PCDHGB3: variants seen among roughly 807,000 people sequenced by gnomAD.
PCDHGB3 encodes protocadherin gamma subfamily B, 3.
PCDHGB3 carries 40 observed loss-of-function variants against 59.2 expected under a neutral mutation model. That is an observed-to-expected ratio of 0.68 (90% CI 0.52 to 0.88). The LOEUF (loss-of-function observed/expected upper bound fraction) is 0.88. Ranked by LOEUF, PCDHGB3 falls within the 40% of genes least tolerant of loss-of-function variation. The pLI is 0.00. For synonymous variants in PCDHGB3, 581 were observed against 503.6 expected, an observed-to-expected ratio of 1.15 and a Z score of -2.06; for missense variants, 1,309 against 1,187.9, an observed-to-expected ratio of 1.10 and a Z score of -1.50.
chr5:141,428,492 A>C (rs2097142759), intron 1 of PCDHGB3: 1 of 307,660 alleles, frequency 3.3e-6, no homozygotes. Flanking sequence ...TGCAATCTGT[A>C]TGTTCCCTCG....
chr5:141,477,502 C>A lies in PCDHGB3; in HGVS notation c.2416-17305C>A, dbSNP rs2099412065. On this transcript the variant is annotated intron_variant, in intron 1 of 3. Coordinates refer to ENST00000576222, the MANE Select transcript of PCDHGB3 (RefSeq NM_018924.5). This position sits in a 1 kb window ranked among gnomAD's most constrained non-coding sequence, Gnocchi z 4.9. ...CTCCACAATCTTCTCAATCTTCCTA[C>A]GACGTTTACATTGAAGAAAACAACC... The A allele has an allele frequency of 9.3e-6, 15 of 1,614,026 alleles. No homozygotes were observed. The highest frequency in any genetic ancestry group is 1.3e-5 in the Non-Finnish European group (15 of 1,180,026).
chr5:141,490,051 G>T lies in PCDHGB3; in HGVS notation c.2416-4756G>T, dbSNP rs779280988. On this transcript the variant is annotated intron_variant, in intron 1 of 3. Coordinates refer to ENST00000576222, the MANE Select transcript of PCDHGB3 (RefSeq NM_018924.5). The surrounding 1 kb of genome is among the most constrained non-coding windows in gnomAD (Gnocchi z 5.4). ...CCGCCTCAATGCCACTGATCCAGACGAGGGCACCAACGGCCAACTAGACTA... is the reference window on the plus strand; with the variant it reads ...CCGCCTCAATGCCACTGATCCAGACTAGGGCACCAACGGCCAACTAGACTA... 3 of 1,614,214 alleles carry T rather than the reference G, an allele frequency of 1.9e-6. No homozygotes were observed. The Middle Eastern group carries it at 4.9e-4, about 266-fold the overall frequency.
At chr5:141,378,264 C>T (rs1167989776) in intron 1 of PCDHGB3, 2 of 152,212 alleles carry the variant, frequency 1.3e-5, no homozygotes, top group Non-Finnish European at 1.5e-5. Flanking sequence ...GTGGCTCATG[C>T]CTGTAATCCC....
chr5:141,384,281 T>A, intron 1 of PCDHGB3: 2 of 1,613,774 alleles, frequency 1.2e-6, no homozygotes, highest in Non-Finnish European at 1.7e-6. Flanking sequence ...TCAGTCTACA[T>A]CGCTGAGAAC....
In PCDHGB3 at chr5:141,371,868, G is replaced by A. The variant is rs755178809; in HGVS notation, c.1474G>A (p.Val492Met). 2.5e-6 allele frequency: 4 copies of A among 1,613,510 alleles called. No individual in the cohort carries two copies. The highest frequency in any genetic ancestry group is 3.4e-6 in the Non-Finnish European group (4 of 1,179,902). ...GPNGLVSYYIVASDLEPRELS... is the reference protein window; with the variant it reads ...GPNGLVSYYIMASDLEPRELS... ...TAATGGCCTTGTCTCCTACTACATCGTGGCCAGTGACCTGGAGCCGCGGGA... is the reference window on the plus strand; with the variant it reads ...TAATGGCCTTGTCTCCTACTACATCATGGCCAGTGACCTGGAGCCGCGGGA... The change falls in exon 1 of 4, where the codon GTG becomes ATG. Residue 492 changes from valine to methionine, a missense_variant. Val to Met is a conservative substitution (Grantham distance 21, BLOSUM62 1). Coordinates refer to ENST00000576222, the MANE Select transcript of PCDHGB3 (RefSeq NM_018924.5).
At chr5:141,420,341 G>A in intron 1 of PCDHGB3, 5 of 1,391,412 alleles carry the variant, frequency 3.6e-6, no homozygotes, top group Middle Eastern at 1.9e-4. Context: ...CAATATAGTG[G>A]TATTATTTTA....
chr5:141,428,108 G>C (rs771684309), intron 1 of PCDHGB3: 6 of 1,608,094 alleles, frequency 3.7e-6, no homozygotes, highest in Admixed American at 1.7e-5. Context: ...ACGTGCTGCA[G>C]GCCATCGAGC....
chr5:141,383,504 G>A lies in PCDHGB3; in HGVS notation c.2415+10695G>A, dbSNP rs373658496. On this transcript the variant is annotated intron_variant, in intron 1 of 3. Coordinates refer to ENST00000576222, the MANE Select transcript of PCDHGB3 (RefSeq NM_018924.5). Reference sequence around the variant, plus strand: ...CTGGTGCTGGAGCGGGTGCTGGACCGGGAGGAAGAGCGGGTTCACCACCTG... The same window carrying A: ...CTGGTGCTGGAGCGGGTGCTGGACCAGGAGGAAGAGCGGGTTCACCACCTG... 1.3e-5 allele frequency: 21 copies of A among 1,612,648 alleles called. No homozygotes were observed. In the Admixed American group the frequency reaches 2.8e-4, roughly 22 times the overall value.
At position 141,485,035 on chromosome 5, in the gene PCDHGB3, AC is replaced by A; in HGVS notation, c.2416-9769del. ...CCGCCACCAGCAAAAACGGCGCGTA[AC>A]CCTTGCGGCGCCGGCCGAACCGCGC... On this transcript the variant is annotated intron_variant, in intron 1 of 3. Coordinates refer to ENST00000576222, the MANE Select transcript of PCDHGB3 (RefSeq NM_018924.5). The surrounding 1 kb of genome is among the most constrained non-coding windows in gnomAD (Gnocchi z 5.7). 1.4e-6 allele frequency: 1 copy of A among 694,388 alleles called. No homozygotes were observed. Among genetic ancestry groups the A allele is most frequent in the East Asian group, 2.6e-5 (1 of 38,852 alleles). The allele number at this position is 694,388 out of a possible 1,614,324, so 43.0% of individuals were successfully genotyped here.
At chr5:141,391,397 C>T (rs1341257748) in intron 1 of PCDHGB3, 1 of 151,598 alleles carries the variant, frequency 6.6e-6, no homozygotes, top group African/African-American at 2.4e-5. Flanking sequence ...CCTCCAGCCT[C>T]AAACTCCTGG....
intron 1 of PCDHGB3, chr5:141,378,481 C>A (rs975283855): frequency 6.6e-6 from 1 of 152,178 alleles, no homozygotes; most frequent in East Asian, 1.9e-4. Flanking sequence ...CAAGATCGTG[C>A]CACTGCACTC....
At chr5:141,382,467 A>G (rs992224398) in intron 1 of PCDHGB3, among the ~76,000 whole-genome samples, 1 of 152,262 alleles carries the variant, frequency 6.6e-6, no homozygotes, top group Non-Finnish European at 1.5e-5. Flanking sequence ...TTTTTTAAAA[A>G]TTATCTAAGA....
intron 1 of PCDHGB3, chr5:141,468,629 G>A (rs1170355107): frequency 1.3e-5 from 2 of 152,140 alleles, no homozygotes; most frequent in African/African-American, 4.8e-5. Flanking sequence ...CACTTTGGGA[G>A]GCCGAGGTGG....
In PCDHGB3 at chr5:141,482,326, GAAT is replaced by G. The variant is rs1344469521; in HGVS notation, c.2416-12479_2416-12477del. Among the ~76,000 whole-genome samples, 3 of 152,072 alleles carry G rather than the reference GAAT, an allele frequency of 2.0e-5. No homozygotes were observed. The East Asian group carries it at 5.8e-4, about 29-fold the overall frequency. ...AGTTTCCTCATCTATAAAATAAAGAGAATATCTACTTTGCAAACTTGTTGTGAG... is the reference window on the plus strand; with the variant it reads ...AGTTTCCTCATCTATAAAATAAAGAGATCTACTTTGCAAACTTGTTGTGAG... On this transcript the variant is annotated intron_variant, in intron 1 of 3. Transcript: ENST00000576222.
At chr5:141,470,227 C>A (rs1387947362) in intron 1 of PCDHGB3, among the ~76,000 whole-genome samples, 1 of 152,160 alleles carries the variant, frequency 6.6e-6, no homozygotes, top group Non-Finnish European at 1.5e-5. Flanking sequence ...AGCTTCTTCA[C>A]CAAACCCTTG....
chr5:141,472,980 C>CAAAAAAAAAAAAAAAAAAAAAAA (rs60579131), intron 1 of PCDHGB3, among the ~76,000 whole-genome samples: 6 of 86,066 alleles, frequency 7.0e-5, no homozygotes, highest in Non-Finnish European at 1.0e-4. Context: ...GAGTGAAACT[C>CAAAAAAAAAAAAAAAAAAAAAAA]AAAAAAAAAA....
intron 1 of PCDHGB3, chr5:141,427,842 C>A: frequency 6.5e-7 from 1 of 1,549,268 alleles, no homozygotes. Flanking sequence ...TGCCTTCGAC[C>A]ACGAGCAGCT....
intron 1 of PCDHGB3, among the ~76,000 whole-genome samples, chr5:141,400,828 A>G (rs2094080616): frequency 6.6e-6 from 1 of 152,184 alleles, no homozygotes. Context: ...TCGTTGTCTC[A>G]TTCTTTAACA....
At chr5:141,405,560 G>A in intron 1 of PCDHGB3, 1 of 613,636 alleles carries the variant, frequency 1.6e-6, no homozygotes, top group Non-Finnish European at 2.9e-6. Context: ...GAGTAGCTGG[G>A]ACTAGAGTAG....
Sources: allele counts gnomAD v4.1 joint callset (sites outside exome capture counted in the v4.1 genomes callset), GRCh38; gene constraint gnomAD v4.1.1; non-coding constraint Gnocchi (gnomAD v3.1); transcripts MANE v1.5; gene names NCBI Gene and HGNC (gene_info 2026-07-23, HGNC 2026-07-21).